The following GRIP1 variants were observed in gnomAD, a reference collection of about 807,000 sequenced individuals.
GRIP1 encodes the protein glutamate receptor interacting protein 1, also known as glutamate receptor-interacting protein 1.
In GRIP1, 45 loss-of-function variants were observed where a neutral mutation model predicts 129.9. The ratio of observed to expected loss-of-function variants is 0.35; its 90% confidence interval spans 0.27 to 0.44. The LOEUF is 0.44. Among genes scored for constraint, GRIP1 ranks in the 20% least tolerant of loss-of-function variants. GRIP1 has a pLI of 1.00. For missense variants in GRIP1, 1,196 were observed against 1,396.8 expected, an observed-to-expected ratio of 0.86 and a Z score of 2.29; for synonymous variants, 530 against 520.8, an observed-to-expected ratio of 1.02 and a Z score of -0.24.
rs3051132 is a variant in GRIP1, at chr12:66,730,701, C to CAAA, written c.-420+73349_-420+73351dup. Among the ~76,000 whole-genome samples, 65 of 71,116 alleles carry CAAA rather than the reference C, an allele frequency of 9.1e-4. 1 individual carries two copies. The highest frequency in any genetic ancestry group is 3.4e-3 in the African/African-American group (57 of 16,798). The allele number at this position is 71,116 out of a possible 152,430, so 46.7% of individuals were successfully genotyped here. On this transcript the variant is annotated intron_variant, in intron 1 of 4. Transcript: ENST00000538373. Reference sequence around the variant, plus strand: ...AATAAGATACCAAGAGGGTCATCTACAAAAAAAAAAAAAAAAAAAACTCAT... The same window carrying CAAA: ...AATAAGATACCAAGAGGGTCATCTACAAAAAAAAAAAAAAAAAAAAAAACTCAT...
intron 1 of GRIP1, among the ~76,000 whole-genome samples, chr12:67,049,730 A>T (rs62990262): frequency 3.9e-5 from 5 of 128,790 alleles, no homozygotes; most frequent in African/African-American, 6.5e-5. Context: ...AAGTACAATT[A>T]AAAAAAAAAA....
At chr12:66,461,257 C>T (rs1167530040) in intron 9 of GRIP1, among the ~76,000 whole-genome samples, 3 of 152,154 alleles carry the variant, frequency 2.0e-5, no homozygotes, top group African/African-American at 4.8e-5. Flanking sequence ...ACTAAAGATG[C>T]TAACATTTTA....
intron 1 of GRIP1, among the ~76,000 whole-genome samples, chr12:66,638,065 G>T: frequency 6.6e-6 from 1 of 152,156 alleles, no homozygotes. Context: ...TTAGATATAT[G>T]CCACAGGCTT....
chr12:66,935,798 A>C (rs919611096), intron 1 of GRIP1, among the ~76,000 whole-genome samples: 3 of 152,158 alleles, frequency 2.0e-5, no homozygotes, highest in African/African-American at 7.2e-5. Context: ...GCCTTATTTG[A>C]ACACAGTTTA....
intron 7 of GRIP1, among the ~76,000 whole-genome samples, chr12:66,471,079 G>A (rs760795243): frequency 7.2e-5 from 11 of 152,324 alleles, no homozygotes; most frequent in Middle Eastern, 3.4e-3. Context: ...GAAGGCTTGA[G>A]AGCCCATAGT....
At chr12:66,854,889 C>A (rs1237081076) in intron 1 of GRIP1, among the ~76,000 whole-genome samples, 1 of 151,854 alleles carries the variant, frequency 6.6e-6, no homozygotes, top group Non-Finnish European at 1.5e-5. Flanking sequence ...ATAGAGAAAC[C>A]CCAAATACTT....
At chr12:67,040,302 C>G (rs1293230260) in intron 1 of GRIP1, among the ~76,000 whole-genome samples, 3 of 151,798 alleles carry the variant, frequency 2.0e-5, no homozygotes, top group Non-Finnish European at 4.4e-5. Flanking sequence ...TAATCTTCCA[C>G]TCAATAAGAG....
intron 5 of GRIP1, among the ~76,000 whole-genome samples, chr12:66,522,634 T>C (rs2061057309): frequency 1.3e-5 from 2 of 152,220 alleles, no homozygotes. Context: ...GTGCCTCTCC[T>C]CTTCCAAAGG....
chr12:66,938,305 G>T (rs2041520661), intron 1 of GRIP1, among the ~76,000 whole-genome samples: 1 of 152,046 alleles, frequency 6.6e-6, no homozygotes, highest in South Asian at 2.1e-4. Context: ...GAACCCGGGA[G>T]GTGAGGTCAC....
intron 1 of GRIP1, among the ~76,000 whole-genome samples, chr12:66,633,039 G>T (rs572044720): frequency 2.4e-4 from 37 of 151,590 alleles, no homozygotes; most frequent in African/African-American, 8.5e-4. Context: ...TTTGAGCAGG[G>T]TCTCTCACTG....
At chr12:66,750,270 G>A (rs2037083050) in intron 1 of GRIP1, among the ~76,000 whole-genome samples, 1 of 152,188 alleles carries the variant, frequency 6.6e-6, no homozygotes, top group African/African-American at 2.4e-5. Flanking sequence ...TACATGCCAA[G>A]GGTCCCTTGA....
intron 1 of GRIP1, among the ~76,000 whole-genome samples, chr12:66,796,658 C>T (rs2038707556): frequency 6.6e-6 from 1 of 152,106 alleles, no homozygotes; most frequent in South Asian, 2.1e-4. Context: ...GCAAGGACCT[C>T]CTCTGTCTTC....
chr12:66,411,669 A>G (rs2057408034), intron 15 of GRIP1, among the ~76,000 whole-genome samples: 2 of 152,216 alleles, frequency 1.3e-5, no homozygotes, highest in African/African-American at 4.8e-5. Context: ...AAAGGTGGGT[A>G]ATAATGAACT....
At chr12:67,045,124 T>C (rs2043234124) in intron 1 of GRIP1, among the ~76,000 whole-genome samples, 1 of 152,174 alleles carries the variant, frequency 6.6e-6, no homozygotes, top group South Asian at 2.1e-4. Flanking sequence ...ACACAGCACA[T>C]TGGAGATGGG....
chr12:66,560,152 A>G (rs964228540), intron 2 of GRIP1, among the ~76,000 whole-genome samples: 1 of 152,134 alleles, frequency 6.6e-6, no homozygotes, highest in Non-Finnish European at 1.5e-5. Context: ...ATCTCTTGCC[A>G]TATACAAAAA....
At chr12:67,061,540 A>G (rs536856333) in intron 1 of GRIP1, among the ~76,000 whole-genome samples, 17 of 152,364 alleles carry the variant, frequency 1.1e-4, no homozygotes, top group South Asian at 4.1e-4. Flanking sequence ...AGTTGTTTTC[A>G]GAAAATAATA....
chr12:66,895,372 G>A (rs959920449), intron 1 of GRIP1, among the ~76,000 whole-genome samples: 4 of 152,138 alleles, frequency 2.6e-5, no homozygotes, highest in African/African-American at 7.2e-5. Context: ...TGTAAGATAT[G>A]CCTTTGCTCC....
intron 24 of GRIP1, among the ~76,000 whole-genome samples, chr12:66,351,611 G>C (rs999937475): frequency 2.7e-5 from 4 of 148,466 alleles, no homozygotes; most frequent in Non-Finnish European, 5.9e-5. Flanking sequence ...GAGTACAGTG[G>C]CATGATCTCG....
At chr12:66,625,287 T>C (rs368009586) in intron 1 of GRIP1, among the ~76,000 whole-genome samples, 1 of 152,294 alleles carries the variant, frequency 6.6e-6, no homozygotes, top group East Asian at 1.9e-4. Flanking sequence ...TTATGGATGG[T>C]ATACATTATG....
Sources: allele counts gnomAD v4.1 joint callset (sites outside exome capture counted in the v4.1 genomes callset), GRCh38; gene constraint gnomAD v4.1.1; transcripts MANE v1.5; gene names NCBI Gene and HGNC (gene_info 2026-07-23, HGNC 2026-07-21).